The following NALF1 variants were observed in gnomAD, a reference collection of about 807,000 sequenced individuals.
NALF1 encodes the protein family with sequence similarity 155 member A.
NALF1 carries 3 observed loss-of-function variants against 48.4 expected under a neutral mutation model. The observed-to-expected ratio is 0.06, with a 90% CI of 0.03 to 0.16. The LOEUF (loss-of-function observed/expected upper bound fraction) is 0.16, where lower values mean the gene tolerates loss of function less well. Among genes scored for constraint, NALF1 ranks in the 10% least tolerant of loss-of-function variants. The pLI, the probability that NALF1 is intolerant of heterozygous loss-of-function variation, is 1.00. For synonymous variants in NALF1, 262 were observed against 245.7 expected (o/e 1.07, Z -0.62); for missense variants, 526 against 571.5 (o/e 0.92, Z 0.81).
chr13:107,285,368 C>T (rs955956572), intron 1 of NALF1, among the ~76,000 whole-genome samples: 1 of 152,140 alleles, frequency 6.6e-6, no homozygotes, highest in African/African-American at 2.4e-5. Context: ...GGAAGACTGC[C>T]CTAGGGCTTG....
At chr13:107,270,664 TA>T (rs1382874679) in intron 1 of NALF1, among the ~76,000 whole-genome samples, 7 of 97,290 alleles carry the variant, frequency 7.2e-5, no homozygotes, top group Non-Finnish European at 2.0e-4. Context: ...TATATATATA[TA>T]TTTTTATTAT....
At chr13:107,819,052 G>A (rs1221373261) in intron 1 of NALF1, among the ~76,000 whole-genome samples, 2 of 152,112 alleles carry the variant, frequency 1.3e-5, no homozygotes, top group Non-Finnish European at 2.9e-5. Context: ...AAGTGGGCAA[G>A]CTCTTACAGA....
intron 1 of NALF1, among the ~76,000 whole-genome samples, chr13:107,841,299 G>C (rs1361731415): frequency 1.3e-5 from 2 of 152,130 alleles, no homozygotes; most frequent in African/African-American, 4.8e-5. Flanking sequence ...ACTGGCTAAA[G>C]AGCTTGCATG....
At position 107,721,109 on chromosome 13, in the gene NALF1, T is replaced by TACAC. The variant is rs66578211; in HGVS notation, c.915+144569_915+144572dup. Reference sequence around the variant, plus strand: ...AAAACTAGTTGTCATCAGATCTCAATACACACACACACACACACACACACA... The same window carrying TACAC: ...AAAACTAGTTGTCATCAGATCTCAATACACACACACACACACACACACACACACA... On this transcript the variant is annotated intron_variant, in intron 1 of 2. Transcript: ENST00000375915. Among the ~76,000 whole-genome samples, 1,163 of 143,934 alleles carry TACAC rather than the reference T, an allele frequency of 8.1e-3. 9 individuals are homozygous for TACAC. Among genetic ancestry groups the TACAC allele is most frequent in the African/African-American group, 0.026 (1,027 of 38,868 alleles). The allele number at this position is 143,934 out of a possible 152,430, so 94.4% of individuals were successfully genotyped here. A position where few individuals can be genotyped will look rare whatever the true frequency, so the allele number is the denominator to read the frequency against.
At chr13:107,671,535 G>T (rs1365272647) in intron 1 of NALF1, among the ~76,000 whole-genome samples, 1 of 152,092 alleles carries the variant, frequency 6.6e-6, no homozygotes, top group African/African-American at 2.4e-5. Context: ...CATGGGAAAG[G>T]CCTTTGGAAT....
intron 1 of NALF1, among the ~76,000 whole-genome samples, chr13:107,477,938 A>G (rs1885197875): frequency 1.3e-5 from 2 of 152,152 alleles, no homozygotes; most frequent in Non-Finnish European, 2.9e-5. Context: ...GCCTAACTTC[A>G]GCAGATGCCT....
At chr13:107,186,769 G>C (rs1879184269) in intron 2 of NALF1, among the ~76,000 whole-genome samples, 1 of 152,182 alleles carries the variant, frequency 6.6e-6, no homozygotes, top group Non-Finnish European at 1.5e-5. Context: ...TACAGACATA[G>C]TAGCTTTAAA....
chr13:107,420,402 T>C (rs1270934212), intron 1 of NALF1, among the ~76,000 whole-genome samples: 1 of 152,168 alleles, frequency 6.6e-6, no homozygotes, highest in Non-Finnish European at 1.5e-5. Context: ...ATTATGTTAA[T>C]TGTATAAAGG....
chr13:107,791,040 T>C (rs1258371993), intron 1 of NALF1, among the ~76,000 whole-genome samples: 1 of 152,146 alleles, frequency 6.6e-6, no homozygotes, highest in African/African-American at 2.4e-5. Flanking sequence ...TCTCATATAC[T>C]TTTTAAAAAG....
At chr13:107,828,462 G>T (rs1413837912) in intron 1 of NALF1, among the ~76,000 whole-genome samples, 1 of 149,352 alleles carries the variant, frequency 6.7e-6, no homozygotes, top group Non-Finnish European at 1.5e-5. Flanking sequence ...TCAGAAAATA[G>T]AGTGCTTTTT....
intron 1 of NALF1, among the ~76,000 whole-genome samples, chr13:107,673,455 C>T (rs1258577049): frequency 4.6e-5 from 7 of 152,132 alleles, no homozygotes; most frequent in Admixed American, 3.3e-4. Flanking sequence ...CGATATGGTG[C>T]TATTCCTATT....
intron 1 of NALF1, among the ~76,000 whole-genome samples, chr13:107,301,018 G>T (rs1227053073): frequency 2.0e-5 from 3 of 152,152 alleles, no homozygotes; most frequent in Middle Eastern, 3.2e-3. Context: ...GGAATTCAGA[G>T]TTTGCAAAAT....
At chr13:107,240,628 C>T (rs1172031775) in intron 1 of NALF1, among the ~76,000 whole-genome samples, 5 of 152,108 alleles carry the variant, frequency 3.3e-5, no homozygotes, top group South Asian at 2.1e-4. Context: ...AGAAAATACA[C>T]GTGGAGAACC....
intron 1 of NALF1, among the ~76,000 whole-genome samples, chr13:107,765,859 T>G (rs1210351479): frequency 6.6e-6 from 1 of 152,206 alleles, no homozygotes; most frequent in Non-Finnish European, 1.5e-5. Flanking sequence ...AAACGCCTAC[T>G]ATTAAACTTT....
At chr13:107,712,375 C>T (rs575168427) in intron 1 of NALF1, among the ~76,000 whole-genome samples, 2 of 152,180 alleles carry the variant, frequency 1.3e-5, no homozygotes, top group African/African-American at 4.8e-5. Context: ...CAGTAATCAC[C>T]GCAATAAAAC....
rs777301215 is a variant in NALF1, at chr13:107,756,770, C to T, written c.915+108912G>A. 2.0e-5 allele frequency among the ~76,000 whole-genome samples: 3 copies of T among 152,042 alleles called. No homozygotes were observed. In the East Asian group the frequency reaches 5.8e-4, roughly 29 times the overall value. On this transcript the variant is annotated intron_variant, in intron 1 of 2. Coordinates refer to ENST00000375915, the MANE Select transcript of NALF1 (RefSeq NM_001080396.3). ...TGTGCTCAATGAAGGCAACAATTAA[C>T]CCTCGGAACCAGGACCTACGCTCTC...
At chr13:107,330,516 C>T (rs4772875) in intron 1 of NALF1, among the ~76,000 whole-genome samples, 119,361 of 152,198 alleles carry the variant, frequency 0.78, 47,288 homozygotes, top group Non-Finnish European at 0.85. Flanking sequence ...TTTATATTTA[C>T]AACCCAATAT....
chr13:107,698,966 C>G (rs770988305), intron 1 of NALF1, among the ~76,000 whole-genome samples: 1 of 152,044 alleles, frequency 6.6e-6, no homozygotes, highest in South Asian at 2.1e-4. Flanking sequence ...TCATGAAGTG[C>G]AATTGCCTTA....
intron 2 of NALF1, among the ~76,000 whole-genome samples, chr13:107,177,822 G>T (rs2138770746): frequency 6.6e-6 from 1 of 152,338 alleles, no homozygotes; most frequent in African/African-American, 2.4e-5. Context: ...GTCCAAGGCA[G>T]ATGGATCATT....
Sources: allele counts gnomAD v4.1 joint callset (sites outside exome capture counted in the v4.1 genomes callset), GRCh38; gene constraint gnomAD v4.1.1; transcripts MANE v1.5; gene names NCBI Gene and HGNC (gene_info 2026-07-23, HGNC 2026-07-21).